SMYD3: variants seen among roughly 807,000 people sequenced by gnomAD.
SMYD3 encodes the protein SET and MYND domain containing 3, also known as histone-lysine N-methyltransferase SMYD3.
SMYD3 carries 36 observed loss-of-function variants against 57.7 expected under a neutral mutation model. That is an observed-to-expected ratio of 0.62 (90% confidence interval 0.48 to 0.82). The LOEUF (loss-of-function observed/expected upper bound fraction) is 0.82. Among genes scored for constraint, SMYD3 ranks in the 40% least tolerant of loss-of-function variants. SMYD3 has a pLI of 0.00. For missense variants in SMYD3, 515 were observed against 538.8 expected, an observed-to-expected ratio of 0.96 and a Z score of 0.44; for synonymous variants, 211 against 195.0, an observed-to-expected ratio of 1.08 and a Z score of -0.68.
intron 5 of SMYD3, among the ~76,000 whole-genome samples, chr1:246,173,651 G>A (rs1322329111): frequency 6.6e-6 from 1 of 152,066 alleles, no homozygotes; most frequent in Admixed American, 6.6e-5. Flanking sequence ...CACAGGGTCG[G>A]GGTCATGAAT....
At chr1:246,005,312 A>C (rs566788303) in intron 5 of SMYD3, among the ~76,000 whole-genome samples, 1 of 152,352 alleles carries the variant, frequency 6.6e-6, no homozygotes, top group African/African-American at 2.4e-5. Context: ...ACAAGTATAA[A>C]TGTTTCTCAC....
In SMYD3 at chr1:246,246,535, T is replaced by C. The variant is rs191710167; in HGVS notation, c.531+80666A>G. ...TGAGTAAAACTTTTGAAGAGTGAATTGTTCATATTCTGGGTTATGTATGCA... is the reference window on the plus strand; with the variant it reads ...TGAGTAAAACTTTTGAAGAGTGAATCGTTCATATTCTGGGTTATGTATGCA... On this transcript the variant is annotated intron_variant, in intron 5 of 11. Transcript: ENST00000490107. Among the ~76,000 whole-genome samples the C allele has an allele frequency of 1.7e-3, 261 of 152,250 alleles. 2 individuals are homozygous for C. Among genetic ancestry groups the C allele is most frequent in the Middle Eastern group, 0.014 (4 of 292 alleles).
intron 1 of SMYD3, among the ~76,000 whole-genome samples, chr1:246,440,844 T>C (rs2067452029): frequency 6.6e-6 from 1 of 152,198 alleles, no homozygotes; most frequent in African/African-American, 2.4e-5. Flanking sequence ...TGTGACCATC[T>C]TTCTGAATGT....
At chr1:246,453,452 C>G (rs1016680222) in intron 1 of SMYD3, among the ~76,000 whole-genome samples, 3 of 152,072 alleles carry the variant, frequency 2.0e-5, no homozygotes, top group African/African-American at 7.2e-5. Context: ...ACAATAAAAA[C>G]TTAGAAAATA....
chr1:246,490,424 T>C (rs1356527777), intron 1 of SMYD3, among the ~76,000 whole-genome samples: 1 of 152,208 alleles, frequency 6.6e-6, no homozygotes, highest in African/African-American at 2.4e-5. Context: ...TGAACATCCT[T>C]GTGTACTTAG....
In SMYD3 at chr1:245,929,871, T is replaced by A; in HGVS notation, c.598A>T (p.Ser200Cys). 6.2e-7 allele frequency: 1 copy of A among 1,612,092 alleles called. No individual in the cohort carries two copies. Among genetic ancestry groups the A allele is most frequent in the Non-Finnish European group, 8.5e-7 (1 of 1,178,218 alleles). ...TACATGAAGTACCATACACCATACC[T>A]GGGATATAGGCCAACACCAACTTCC... ...MQEVGVGLYPSISLLNHSCDP... is the reference protein window; with the variant it reads ...MQEVGVGLYPCISLLNHSCDP... The change falls in exon 6 of 12, where the codon AGT (serine) becomes TGT (cysteine). Residue 200 changes from serine (S) to cysteine (C), a missense_variant and splice_region_variant. Coordinates refer to ENST00000490107, the MANE Select transcript of SMYD3 (RefSeq NM_001167740.2).
At chr1:245,776,880 G>A (rs1015455512) in intron 10 of SMYD3, among the ~76,000 whole-genome samples, 5 of 152,324 alleles carry the variant, frequency 3.3e-5, no homozygotes, top group Non-Finnish European at 7.3e-5. Flanking sequence ...ATAAGGTTTC[G>A]TTGGGACACA....
chr1:246,298,265 G>GA lies in SMYD3; in HGVS notation c.531+28935dup, dbSNP rs894460188. On this transcript the variant is annotated intron_variant, in intron 5 of 11. Transcript: ENST00000490107. ...TAATAAATAGAAGCTATTACAGCAG[G>GA]AAAAAAAGAATAAAACATAAGTGCA... Among the ~76,000 whole-genome samples the GA allele has an allele frequency of 4.7e-4, 71 of 151,824 alleles. 3 individuals carry two copies. Among genetic ancestry groups the GA allele is most frequent in the Admixed American group, 4.2e-3 (64 of 15,244 alleles).
At chr1:246,014,513 C>T (rs925921352) in intron 5 of SMYD3, among the ~76,000 whole-genome samples, 3 of 151,942 alleles carry the variant, frequency 2.0e-5, no homozygotes, top group Non-Finnish European at 2.9e-5. Context: ...GACTTAGTAG[C>T]GTGGTTAATC....
chr1:246,307,562 G>A lies in SMYD3; in HGVS notation c.531+19639C>T, dbSNP rs1217532454. Among the ~76,000 whole-genome samples the A allele has an allele frequency of 5.3e-5, 8 of 151,528 alleles. 1 individual carries two copies. Among genetic ancestry groups the A allele is most frequent in the African/African-American group, 9.7e-5 (4 of 41,426 alleles). ...AGCCTCCCGAGTAGCTGGGACTACA[G>A]GCGCCCGCCACCACGCCCGGCTAAT... On this transcript the variant is annotated intron_variant, in intron 5 of 11. Coordinates refer to ENST00000490107, the MANE Select transcript of SMYD3 (RefSeq NM_001167740.2).
chr1:245,841,278 A>C (rs1230446105), intron 10 of SMYD3, among the ~76,000 whole-genome samples: 1 of 152,246 alleles, frequency 6.6e-6, no homozygotes, highest in East Asian at 1.9e-4. Flanking sequence ...AAAGAAAATT[A>C]AATAGCCAAA....
chr1:245,956,676 C>G (rs2057854040), intron 5 of SMYD3, among the ~76,000 whole-genome samples: 2 of 152,168 alleles, frequency 1.3e-5, no homozygotes. Context: ...TCCTCCTGTA[C>G]TACTCCCCTA....
chr1:246,153,664 G>A (rs1203963356), intron 5 of SMYD3, among the ~76,000 whole-genome samples: 1 of 151,980 alleles, frequency 6.6e-6, no homozygotes, highest in Non-Finnish European at 1.5e-5. Context: ...TACAGACAGG[G>A]TATCAATATG....
At chr1:246,117,460 G>T (rs1272350391) in intron 5 of SMYD3, among the ~76,000 whole-genome samples, 1 of 152,084 alleles carries the variant, frequency 6.6e-6, no homozygotes, top group Non-Finnish European at 1.5e-5. Context: ...AACAAATCCA[G>T]GATGACTGAT....
intron 10 of SMYD3, among the ~76,000 whole-genome samples, chr1:245,825,577 G>T (rs73134744): frequency 0.017 from 2,540 of 152,250 alleles, 35 homozygotes; most frequent in East Asian, 0.058. Context: ...CCCTCCCTGG[G>T]CATCTTGTCC....
At chr1:245,850,473 C>T (rs934938774) in intron 10 of SMYD3, among the ~76,000 whole-genome samples, 6 of 152,170 alleles carry the variant, frequency 3.9e-5, no homozygotes, top group Admixed American at 2.0e-4. Flanking sequence ...GCGAGGATCA[C>T]TTGGGCCCAG....
intron 10 of SMYD3, among the ~76,000 whole-genome samples, chr1:245,858,216 A>G (rs551431585): frequency 2.0e-5 from 3 of 152,292 alleles, no homozygotes; most frequent in East Asian, 3.9e-4. Context: ...CAAGCGCCAC[A>G]TCGTATTGTA....
At chr1:246,006,696 C>G (rs2059176253) in intron 5 of SMYD3, among the ~76,000 whole-genome samples, 1 of 152,050 alleles carries the variant, frequency 6.6e-6, no homozygotes, top group Non-Finnish European at 1.5e-5. Context: ...CAAAACTGCC[C>G]TGTCTTTCAG....
chr1:246,342,237 A>G lies in SMYD3; in HGVS notation c.229-6763T>C, dbSNP rs145696804. ...TAACTAAACATCTTCTACGTGAAAT[A>G]TCACAGTGATTTTTTTCCTACATAT... On this transcript the variant is annotated intron_variant, in intron 2 of 11. Coordinates refer to ENST00000490107, the MANE Select transcript of SMYD3 (RefSeq NM_001167740.2). Among the ~76,000 whole-genome samples, 138 of 152,294 alleles carry G rather than the reference A, an allele frequency of 9.1e-4. 1 individual carries two copies. In the East Asian group the frequency reaches 0.02, roughly 22 times the overall value.
Sources: gnomAD v4.1 joint callset for allele counts (sites outside exome capture counted in the v4.1 genomes callset) on GRCh38, gnomAD v4.1.1 for gene constraint, MANE v1.5 for transcripts, NCBI Gene and HGNC (gene_info 2026-07-23, HGNC 2026-07-21) for gene names.